ERBB4: variants seen among roughly 807,000 people sequenced by gnomAD.
The protein encoded by ERBB4 is receptor tyrosine-protein kinase erbB-4.
Under a neutral mutation model 158.0 loss-of-function variants are expected in ERBB4, and 42 were observed. The observed-to-expected ratio is 0.27, with a 90% CI of 0.21 to 0.34. ERBB4 has a LOEUF of 0.34. ERBB4 is among the 10% of genes least tolerant of loss of function. The pLI is 1.00. For synonymous variants in ERBB4, 583 were observed against 558.7 expected (o/e 1.04, Z -0.61); for missense variants, 1,333 against 1,624.1 (o/e 0.82, Z 3.08).
chr2:212,417,738 G>T (rs191828088), intron 1 of ERBB4, among the ~76,000 whole-genome samples: 1 of 152,086 alleles, frequency 6.6e-6, no homozygotes, highest in Admixed American at 6.6e-5. Context: ...TTATCAATTA[G>T]TACCTATGTA....
chr2:212,253,610 C>T (rs2084621008), intron 1 of ERBB4, among the ~76,000 whole-genome samples: 2 of 152,164 alleles, frequency 1.3e-5, no homozygotes, highest in Non-Finnish European at 2.9e-5. Flanking sequence ...TTTGCCCATG[C>T]AGCTGGTTAG....
chr2:211,477,762 C>T (rs1336963065), intron 20 of ERBB4, among the ~76,000 whole-genome samples: 1 of 151,986 alleles, frequency 6.6e-6, no homozygotes, highest in Non-Finnish European at 1.5e-5. Context: ...CATAAATTTG[C>T]TAAGAATTTT....
chr2:212,389,893 CAT>C (rs2090800192), intron 1 of ERBB4, among the ~76,000 whole-genome samples: 1 of 151,434 alleles, frequency 6.6e-6, no homozygotes, highest in African/African-American at 2.4e-5. Context: ...TATAATAACT[CAT>C]GTGCAGTTAT....
intron 2 of ERBB4, among the ~76,000 whole-genome samples, chr2:212,020,527 T>C (rs552253179): frequency 2.6e-5 from 4 of 152,242 alleles, no homozygotes; most frequent in African/African-American, 7.2e-5. Flanking sequence ...TATCTATTGG[T>C]ATATACGTTT....
chr2:211,945,016 G>A (rs1044206438), intron 3 of ERBB4, among the ~76,000 whole-genome samples: 2 of 152,066 alleles, frequency 1.3e-5, no homozygotes, highest in African/African-American at 2.4e-5. Flanking sequence ...ATATAAAAAT[G>A]TTGTTTTAAA....
At chr2:211,695,793 T>A (rs991919167) in intron 12 of ERBB4, among the ~76,000 whole-genome samples, 1 of 152,118 alleles carries the variant, frequency 6.6e-6, no homozygotes, top group Non-Finnish European at 1.5e-5. Flanking sequence ...CCAAAAGGCA[T>A]TTTTTCATAA....
Position 211,881,685 on chromosome 2 carries a change from C to T in ERBB4, c.421+65745G>A, listed in dbSNP as rs2078667659. On this transcript the variant is annotated intron_variant, in intron 3 of 27. Coordinates refer to ENST00000342788, the MANE Select transcript of ERBB4 (RefSeq NM_005235.3). ...GGACCCTATGTAGATCAGATACCGC[C>T]CCTCCACTAGCTCATCTATAAAACC... Among the ~76,000 whole-genome samples, 2 of 152,146 alleles carry T rather than the reference C, an allele frequency of 1.3e-5. 1 individual carries two copies. The highest frequency in any genetic ancestry group is 4.1e-4 in the South Asian group (2 of 4,822).
At position 211,874,137 on chromosome 2, in the gene ERBB4, T is replaced by C. The variant is rs568552602; in HGVS notation, c.421+73293A>G. Among the ~76,000 whole-genome samples the C allele has an allele frequency of 2.6e-4, 40 of 152,068 alleles. No homozygotes were observed. In the South Asian group the frequency reaches 8.3e-3, roughly 32 times the overall value. On this transcript the variant is annotated intron_variant, in intron 3 of 27. Transcript: ENST00000342788. ...CCATGATCACATCACTGCATTCCAG[T>C]CAAAAAAAGCAAACAAACAAAAACA...
intron 4 of ERBB4, among the ~76,000 whole-genome samples, chr2:211,752,339 T>C (rs565414016): frequency 6.6e-6 from 1 of 152,166 alleles, no homozygotes; most frequent in African/African-American, 2.4e-5. Context: ...AGATTTGGTA[T>C]AATCCTCTAA....
intron 19 of ERBB4, among the ~76,000 whole-genome samples, chr2:211,617,253 T>C (rs995845737): frequency 6.6e-5 from 10 of 152,254 alleles, no homozygotes; most frequent in African/African-American, 1.9e-4. Context: ...TAGTCTAGGC[T>C]GGCAAGATTT....
At chr2:212,373,702 T>C (rs1012855313) in intron 1 of ERBB4, among the ~76,000 whole-genome samples, 4 of 147,792 alleles carry the variant, frequency 2.7e-5, no homozygotes, top group African/African-American at 9.9e-5. Flanking sequence ...TATATATCCA[T>C]ATATATATCC....
chr2:212,393,940 T>G (rs929359373), intron 1 of ERBB4, among the ~76,000 whole-genome samples: 2 of 152,132 alleles, frequency 1.3e-5, no homozygotes, highest in African/African-American at 4.8e-5. Context: ...TTGGAGACTG[T>G]TAAGTAAGGC....
intron 1 of ERBB4, among the ~76,000 whole-genome samples, chr2:212,415,573 T>C (rs2091627201): frequency 6.6e-6 from 1 of 152,054 alleles, no homozygotes; most frequent in South Asian, 2.1e-4. Context: ...AAGAAAAATA[T>C]GCTAAACAAG....
At chr2:211,641,785 G>T (rs989271188) in intron 16 of ERBB4, among the ~76,000 whole-genome samples, 3 of 151,832 alleles carry the variant, frequency 2.0e-5, no homozygotes, top group African/African-American at 4.8e-5. Context: ...TTGCTATCGT[G>T]GTTTCAAGAA....
chr2:211,627,280 A>G (rs1264533073), intron 17 of ERBB4, among the ~76,000 whole-genome samples: 1 of 152,262 alleles, frequency 6.6e-6, no homozygotes, highest in Non-Finnish European at 1.5e-5. Flanking sequence ...TACATAGCAC[A>G]AAGCACATGT....
At chr2:211,691,602 G>GTGTGTGTGTGTGTGTGTGTGTA (rs1225867697) in intron 12 of ERBB4, among the ~76,000 whole-genome samples, 1 of 145,322 alleles carries the variant, frequency 6.9e-6, no homozygotes, top group African/African-American at 2.6e-5. Context: ...GTGTGTGTGT[G>GTGTGTGTGTGTGTGTGTGTGTA]TATATATATA....
chr2:211,524,107 CAG>C (rs1272510763), intron 20 of ERBB4, among the ~76,000 whole-genome samples: 1 of 151,862 alleles, frequency 6.6e-6, no homozygotes, highest in East Asian at 1.9e-4. Flanking sequence ...GAGCTAGATA[CAG>C]AGTGCCGATT....
At position 211,700,566 on chromosome 2, in the gene ERBB4, T is replaced by C. The variant is rs76803612; in HGVS notation, c.1489+1401A>G. ...AATTATAAGTTATATTTTATGAAGA[T>C]TGGTAGACTGAGCTGCCTTAAATTA... On this transcript the variant is annotated intron_variant, in intron 12 of 27. Transcript: ENST00000342788. Among the ~76,000 whole-genome samples, 928 of 152,298 alleles carry C rather than the reference T, an allele frequency of 6.1e-3. 11 individuals carry two copies. Among genetic ancestry groups the C allele is most frequent in the African/African-American group, 0.021 (864 of 41,568 alleles).
At chr2:211,602,424 G>T (rs1050500280) in intron 19 of ERBB4, among the ~76,000 whole-genome samples, 1 of 152,026 alleles carries the variant, frequency 6.6e-6, no homozygotes, top group African/African-American at 2.4e-5. Flanking sequence ...AGCAGCAGCT[G>T]CTGATCACTT....
Sources: allele counts gnomAD v4.1 joint callset (sites outside exome capture counted in the v4.1 genomes callset), GRCh38; gene constraint gnomAD v4.1.1; transcripts MANE v1.5; gene names NCBI Gene and HGNC (gene_info 2026-07-23, HGNC 2026-07-21).